Variants in SFXN5 observed in about 807,000 individuals in gnomAD.
SFXN5 encodes the protein sideroflexin 5, also known as sideroflexin-5.
A neutral mutation model predicts 50.2 loss-of-function variants in SFXN5; 43 were observed. That is an observed-to-expected ratio of 0.86 (90% CI 0.67 to 1.11). The LOEUF (loss-of-function observed/expected upper bound fraction) is 1.11, where lower values mean the gene tolerates loss of function less well. SFXN5 is among the 50% of genes least tolerant of loss of function. The pLI is 0.00. For missense variants in SFXN5, 463 were observed against 454.1 expected (o/e 1.02, Z -0.18); for synonymous variants, 203 against 185.8 (o/e 1.09, Z -0.75).
At chr2:73,047,427 G>C (rs1023443784) in intron 2 of SFXN5, among the ~76,000 whole-genome samples, 4 of 148,498 alleles carry the variant, frequency 2.7e-5, no homozygotes, top group African/African-American at 9.9e-5. Flanking sequence ...TCTTGGTACA[G>C]GTTGGTATAA....
At chr2:73,047,236 AAAAAAAAAAATAT>A (rs1320748745) in intron 2 of SFXN5, among the ~76,000 whole-genome samples, 5 of 64,546 alleles carry the variant, frequency 7.7e-5, no homozygotes, top group African/African-American at 3.9e-4. Context: ...AAAAAAAAAA[AAAAAAAAAAATAT>A]ATATATATAT....
chr2:73,040,484 T>C (rs1679478242), intron 3 of SFXN5, among the ~76,000 whole-genome samples: 2 of 152,232 alleles, frequency 1.3e-5, no homozygotes. Context: ...GAAAAAGTCC[T>C]GATTTGTAGC....
At chr2:73,033,210 A>G (rs1678542718) in intron 3 of SFXN5, among the ~76,000 whole-genome samples, 1 of 152,246 alleles carries the variant, frequency 6.6e-6, no homozygotes, top group African/African-American at 2.4e-5. Flanking sequence ...AAATTTACTT[A>G]TTTAACAAAT....
intron 2 of SFXN5, among the ~76,000 whole-genome samples, chr2:73,053,794 G>A (rs10186042): frequency 0.03 from 4,594 of 152,106 alleles, 224 homozygotes; most frequent in African/African-American, 0.1. Context: ...AAGTCCTCAC[G>A]ACCTCTACTG....
chr2:72,957,823 C>T (rs1488338310), intron 13 of SFXN5, among the ~76,000 whole-genome samples: 1 of 152,236 alleles, frequency 6.6e-6, no homozygotes, highest in African/African-American at 2.4e-5. Flanking sequence ...GGCTAGCCTG[C>T]ATCTTGTTGG....
chr2:73,035,703 T>G (rs1168457145), intron 3 of SFXN5, among the ~76,000 whole-genome samples: 2 of 152,062 alleles, frequency 1.3e-5, no homozygotes, highest in Admixed American at 6.6e-5. Context: ...TTTCACCATA[T>G]TGGTCAGGCT....
At chr2:72,971,437 G>C (rs1573995125) in intron 11 of SFXN5, 133 bp downstream of exon 11, 2 of 603,804 alleles carry the variant, frequency 3.3e-6, no homozygotes, top group East Asian at 2.9e-5. Context: ...GGTGGGGGTG[G>C]GGTGAGGAGG....
At chr2:72,979,502 C>T (rs1219314290) in intron 10 of SFXN5, among the ~76,000 whole-genome samples, 2 of 152,098 alleles carry the variant, frequency 1.3e-5, no homozygotes, top group African/African-American at 2.4e-5. Flanking sequence ...GGCATGGTGG[C>T]ATGCACCTGT....
At chr2:73,009,615 T>A (rs553664461) in intron 6 of SFXN5, among the ~76,000 whole-genome samples, 1 of 152,320 alleles carries the variant, frequency 6.6e-6, no homozygotes, top group Admixed American at 6.5e-5. Flanking sequence ...TTCGCCTCCA[T>A]CAAGTATTCA....
intron 1 of SFXN5, among the ~76,000 whole-genome samples, chr2:73,067,120 A>C (rs1683236477): frequency 6.6e-6 from 1 of 151,920 alleles, no homozygotes; most frequent in Non-Finnish European, 1.5e-5. Context: ...AAATCAAAAA[A>C]CCCTCCAATA....
chr2:73,025,549 C>T (rs944360595), intron 3 of SFXN5, among the ~76,000 whole-genome samples: 2 of 152,112 alleles, frequency 1.3e-5, no homozygotes, highest in African/African-American at 2.4e-5. Context: ...CCCAAATCCT[C>T]GAGAAAAGAA....
chr2:72,975,655 C>A (rs1179794453), intron 10 of SFXN5, among the ~76,000 whole-genome samples: 2 of 152,248 alleles, frequency 1.3e-5, no homozygotes, highest in Non-Finnish European at 2.9e-5. Flanking sequence ...TGTGTGAATG[C>A]AGCCATGTGT....
chr2:73,024,907 T>A (rs1677368583), intron 3 of SFXN5, among the ~76,000 whole-genome samples: 1 of 152,200 alleles, frequency 6.6e-6, no homozygotes, highest in African/African-American at 2.4e-5. Flanking sequence ...AGTTTATGCA[T>A]TTTTCTCACA....
chr2:73,054,616 C>A (rs1293445842), intron 2 of SFXN5, among the ~76,000 whole-genome samples: 3 of 152,304 alleles, frequency 2.0e-5, no homozygotes, highest in South Asian at 2.1e-4. Flanking sequence ...AAAGCCCCTG[C>A]CTGTTCATGG....
intron 3 of SFXN5, among the ~76,000 whole-genome samples, chr2:73,036,712 G>A (rs988389276): frequency 6.6e-6 from 1 of 152,206 alleles, no homozygotes; most frequent in African/African-American, 2.4e-5. Flanking sequence ...CGGAGCCTGG[G>A]CCAGGAGGAA....
intron 2 of SFXN5, among the ~76,000 whole-genome samples, chr2:73,053,797 C>A (rs2106002153): frequency 6.6e-6 from 1 of 152,298 alleles, no homozygotes; most frequent in East Asian, 1.9e-4. Context: ...TCCTCACGAC[C>A]TCTACTGTTC....
chr2:72,974,788 C>A (rs944191513), intron 10 of SFXN5, among the ~76,000 whole-genome samples: 1 of 151,842 alleles, frequency 6.6e-6, no homozygotes, highest in Non-Finnish European at 1.5e-5. Flanking sequence ...TCCCATCCCA[C>A]TCCTGGCAAG....
At chr2:73,057,468 A>G (rs900915140) in intron 2 of SFXN5, among the ~76,000 whole-genome samples, 1 of 152,194 alleles carries the variant, frequency 6.6e-6, no homozygotes, top group Non-Finnish European at 1.5e-5. Context: ...TAAAGAAGCC[A>G]GATACAGAAG....
chr2:73,028,535 T>C (rs1677889747), intron 3 of SFXN5, among the ~76,000 whole-genome samples: 1 of 152,102 alleles, frequency 6.6e-6, no homozygotes, highest in Admixed American at 6.5e-5. Flanking sequence ...AAGAGAAACA[T>C]TAAATAGCAA....
Sources: gnomAD v4.1 joint callset for allele counts (sites outside exome capture counted in the v4.1 genomes callset) on GRCh38, gnomAD v4.1.1 for gene constraint, MANE v1.5 for transcripts, NCBI Gene and HGNC (gene_info 2026-07-23, HGNC 2026-07-21) for gene names.